Variants in ENOX1 observed in about 807,000 individuals in gnomAD.
The protein encoded by ENOX1 is candidate growth-related and time keeping constitutive hydroquinone (NADH) oxidase.
A neutral mutation model predicts 82.5 loss-of-function variants in ENOX1; 42 were observed. The observed-to-expected ratio is 0.51, with a 90% CI of 0.40 to 0.66. The LOEUF (loss-of-function observed/expected upper bound fraction) is 0.66. ENOX1 is among the 30% of genes least tolerant of loss of function. ENOX1 has a pLI of 0.00. For missense variants in ENOX1, 608 were observed against 811.6 expected, an observed-to-expected ratio of 0.75 and a Z score of 3.05; for synonymous variants, 271 against 282.2, an observed-to-expected ratio of 0.96 and a Z score of 0.40.
intron 3 of ENOX1, among the ~76,000 whole-genome samples, chr13:43,447,335 T>C (rs1269243507): frequency 6.6e-6 from 1 of 152,202 alleles, no homozygotes; most frequent in East Asian, 1.9e-4. Flanking sequence ...GGAGGATATC[T>C]ACTTTTCCAG....
At chr13:43,440,153 C>T (rs2056283054) in intron 3 of ENOX1, among the ~76,000 whole-genome samples, 1 of 152,136 alleles carries the variant, frequency 6.6e-6, no homozygotes, top group South Asian at 2.1e-4. Context: ...AACCTCGTTC[C>T]TGTTCCTTAT....
At chr13:43,682,690 G>GA (rs371281775) in intron 1 of ENOX1, among the ~76,000 whole-genome samples, 4 of 151,756 alleles carry the variant, frequency 2.6e-5, no homozygotes, top group Admixed American at 6.6e-5. Flanking sequence ...TAAGGAAGGG[G>GA]AAAAAAAACC....
intron 2 of ENOX1, among the ~76,000 whole-genome samples, chr13:43,507,555 T>C (rs1383681882): frequency 1.3e-5 from 2 of 152,068 alleles, no homozygotes; most frequent in Non-Finnish European, 2.9e-5. Context: ...TAGCCAAATC[T>C]AGCCAAAATA....
At chr13:43,250,042 G>A (rs896978753) in intron 14 of ENOX1, among the ~76,000 whole-genome samples, 1 of 152,142 alleles carries the variant, frequency 6.6e-6, no homozygotes, top group Non-Finnish European at 1.5e-5. Context: ...TAGATGGCAG[G>A]TGCTGGTCTC....
At chr13:43,311,081 T>G (rs930384386) in intron 11 of ENOX1, among the ~76,000 whole-genome samples, 17 of 152,012 alleles carry the variant, frequency 1.1e-4, no homozygotes, top group African/African-American at 3.9e-4. Flanking sequence ...AGGTGATACT[T>G]TGGGGACTAC....
At chr13:43,502,036 G>A (rs1472621744) in intron 2 of ENOX1, among the ~76,000 whole-genome samples, 2 of 151,040 alleles carry the variant, frequency 1.3e-5, no homozygotes, top group South Asian at 4.2e-4. Context: ...ATAAAAGAGG[G>A]GCCATTATAA....
chr13:43,526,074 G>T (rs1429606969), intron 2 of ENOX1, among the ~76,000 whole-genome samples: 2 of 152,106 alleles, frequency 1.3e-5, no homozygotes. Flanking sequence ...AACAAACAAT[G>T]CTCTATGCAG....
chr13:43,470,308 A>ACATATATACACATATATATACG (rs1555289840), intron 3 of ENOX1, among the ~76,000 whole-genome samples: 1 of 38,624 alleles, frequency 2.6e-5, no homozygotes, highest in African/African-American at 1.0e-4. Flanking sequence ...ATATATATAC[A>ACATATATACACATATATATACG]TATATATACA....
chr13:43,335,687 G>A (rs750447154), intron 9 of ENOX1, among the ~76,000 whole-genome samples: 1 of 145,570 alleles, frequency 6.9e-6, no homozygotes, highest in Non-Finnish European at 1.5e-5. Flanking sequence ...TTACATTTTG[G>A]TATTATTAAA....
At chr13:43,261,999 AT>A (rs1165428478) in intron 14 of ENOX1, among the ~76,000 whole-genome samples, 3 of 152,140 alleles carry the variant, frequency 2.0e-5, no homozygotes, top group Non-Finnish European at 2.9e-5. Flanking sequence ...TAAAAAAAAA[AT>A]CATGTCTTTG....
chr13:43,256,224 C>T (rs1201522321), intron 14 of ENOX1, among the ~76,000 whole-genome samples: 1 of 152,126 alleles, frequency 6.6e-6, no homozygotes, highest in Admixed American at 6.6e-5. Context: ...TGAGGAAATG[C>T]TCCAGGACAC....
chr13:43,368,074 C>T (rs1424323654), intron 5 of ENOX1, among the ~76,000 whole-genome samples: 1 of 152,110 alleles, frequency 6.6e-6, no homozygotes, highest in Non-Finnish European at 1.5e-5. Flanking sequence ...GAGTGAATGC[C>T]TACAAACCAG....
rs374392931 is a variant in ENOX1 at position 43,412,617 on chromosome 13, A to C, written c.70+228T>G. Among the ~76,000 whole-genome samples the C allele has an allele frequency of 9.9e-5, 15 of 152,230 alleles. 1 individual carries two copies. Among genetic ancestry groups the C allele is most frequent in the Admixed American group, 8.5e-4 (13 of 15,286 alleles). ...TTTTCTGAAGGATTTCTAAATAAATAAATCAAATTTAAAAACAGGTAGCAC... is the reference window on the plus strand; with the variant it reads ...TTTTCTGAAGGATTTCTAAATAAATCAATCAAATTTAAAAACAGGTAGCAC... On this transcript the variant is annotated intron_variant, in intron 4 of 16. Coordinates refer to ENST00000690772, the MANE Select transcript of ENOX1 (RefSeq NM_001347969.2).
chr13:43,249,315 T>C (rs982330539), intron 14 of ENOX1, among the ~76,000 whole-genome samples: 2 of 152,212 alleles, frequency 1.3e-5, no homozygotes, highest in Non-Finnish European at 2.9e-5. Flanking sequence ...TTCTCTTCAG[T>C]ATGTAGAAAA....
intron 2 of ENOX1, among the ~76,000 whole-genome samples, chr13:43,637,700 A>G (rs7335780): frequency 0.12 from 17,510 of 152,072 alleles, 1,276 homozygotes; most frequent in African/African-American, 0.21. Context: ...TGCTTTATCC[A>G]CTGAGATTTT....
intron 14 of ENOX1, among the ~76,000 whole-genome samples, chr13:43,264,980 G>A (rs1477147581): frequency 6.6e-6 from 1 of 152,142 alleles, no homozygotes; most frequent in South Asian, 2.1e-4. Context: ...GAGAGAAGGG[G>A]TTTTCTCTGA....
At chr13:43,565,000 C>A (rs994778548) in intron 2 of ENOX1, among the ~76,000 whole-genome samples, 3 of 152,116 alleles carry the variant, frequency 2.0e-5, no homozygotes, top group Admixed American at 6.6e-5. Context: ...GGTCTCTACT[C>A]TCGTGAGGCT....
At chr13:43,490,026 C>T (rs112887901) in intron 2 of ENOX1, among the ~76,000 whole-genome samples, 1,993 of 152,276 alleles carry the variant, frequency 0.013, 44 homozygotes, top group African/African-American at 0.046. Context: ...ACAACCTCCA[C>T]CTCCTGGGTT....
intron 1 of ENOX1, among the ~76,000 whole-genome samples, chr13:43,716,987 G>C (rs1381398083): frequency 1.3e-5 from 2 of 152,116 alleles, no homozygotes; most frequent in Non-Finnish European, 2.9e-5. Context: ...TACAGATTCA[G>C]TGCTATCCCT....
Sources: gnomAD v4.1 joint callset for allele counts (sites outside exome capture counted in the v4.1 genomes callset) on GRCh38, gnomAD v4.1.1 for gene constraint, MANE v1.5 for transcripts, NCBI Gene and HGNC (gene_info 2026-07-23, HGNC 2026-07-21) for gene names.